GSAP: variants seen among roughly 807,000 people sequenced by gnomAD.
GSAP encodes the protein gamma-secretase activating protein.
In GSAP, 118 loss-of-function variants were observed where a neutral mutation model predicts 131.7. That is an observed-to-expected ratio of 0.90 (90% CI 0.77 to 1.04). The LOEUF is 1.04. Among genes scored for constraint, GSAP ranks in the 50% least tolerant of loss-of-function variants. The pLI, the probability that GSAP is intolerant of heterozygous loss-of-function variation, is 0.00. For missense variants in GSAP, 1,019 were observed against 1,013.2 expected, an observed-to-expected ratio of 1.01 and a Z score of -0.08; for synonymous variants, 381 against 363.4, an observed-to-expected ratio of 1.05 and a Z score of -0.55.
At chr7:77,320,974 C>T (rs765771443) in intron 25 of GSAP, among the ~76,000 whole-genome samples, 155 bp from the exon 26 acceptor site, 2 of 152,148 alleles carry the variant, frequency 1.3e-5, no homozygotes, top group Non-Finnish European at 2.9e-5. Flanking sequence ...ATGTGACCAT[C>T]GGCCTAATGC....
intron 19 of GSAP, among the ~76,000 whole-genome samples, chr7:77,337,306 G>GT (rs879864565): frequency 4.6e-5 from 5 of 109,152 alleles, no homozygotes; most frequent in African/African-American, 1.2e-4. Context: ...TGGGGTGGGG[G>GT]GGGGGTTACA....
intron 5 of GSAP, among the ~76,000 whole-genome samples, chr7:77,394,254 T>C (rs1409817398): frequency 6.6e-6 from 1 of 152,150 alleles, no homozygotes; most frequent in Admixed American, 6.6e-5. Flanking sequence ...CTCACCTCTT[T>C]TTTCCTTTGC....
intron 14 of GSAP, 32 bp from the exon 15 acceptor site, chr7:77,355,679 T>C: frequency 8.3e-7 from 1 of 1,211,078 alleles, no homozygotes; most frequent in Non-Finnish European, 1.2e-6. Context: ...ATCATCTACA[T>C]GTGGTAAAAG....
At chr7:77,402,415 T>C (rs1490471197) in intron 3 of GSAP, among the ~76,000 whole-genome samples, 2 of 139,828 alleles carry the variant, frequency 1.4e-5, no homozygotes, top group Admixed American at 1.4e-4. Flanking sequence ...AAAAAAAATA[T>C]ATATATATAC....
chr7:77,318,530 AT>A (rs1787181152), intron 26 of GSAP, among the ~76,000 whole-genome samples: 1 of 152,230 alleles, frequency 6.6e-6, no homozygotes, highest in East Asian at 1.9e-4. Context: ...TTTAACACTC[AT>A]TAGAACTTTA....
At chr7:77,407,622 CTTA>C (rs1802519302) in intron 1 of GSAP, among the ~76,000 whole-genome samples, 1 of 152,124 alleles carries the variant, frequency 6.6e-6, no homozygotes, top group East Asian at 1.9e-4. Flanking sequence ...GCATCCTTGA[CTTA>C]TTATGTTTTA....
At chr7:77,372,736 A>G (rs943318453) in intron 12 of GSAP, among the ~76,000 whole-genome samples, 16 of 152,252 alleles carry the variant, frequency 1.1e-4, no homozygotes, top group Non-Finnish European at 1.8e-4. Flanking sequence ...TAAATTGTAT[A>G]GTAACAAAAA....
At chr7:77,329,309 A>G in intron 21 of GSAP, 24 bp downstream of exon 21, 1 of 1,349,312 alleles carries the variant, frequency 7.4e-7, no homozygotes. Context: ...TCTTACAGAT[A>G]TGATAACCTC....
intron 19 of GSAP, among the ~76,000 whole-genome samples, chr7:77,344,456 T>C (rs867970522): frequency 6.6e-6 from 1 of 152,196 alleles, no homozygotes; most frequent in Non-Finnish European, 1.5e-5. Context: ...ACGCTCCTTT[T>C]TGTTAGGCTC....
intron 8 of GSAP, chr7:77,379,921 A>C: frequency 1.0e-6 from 1 of 967,242 alleles, no homozygotes. Flanking sequence ...GATAAATTCC[A>C]TTTTCTGTTT....
chr7:77,404,572 G>A lies in GSAP; in HGVS notation c.230C>T (p.Thr77Ile). The change falls in exon 3 of 31, where the codon ACC becomes ATC. Residue 77 changes from threonine (T) to isoleucine (I), a missense_variant. Thr to Ile is a moderately conservative substitution (Grantham distance 89). Transcript: ENST00000257626. ...TATGATTTTTACCTCATTTTGTCTG[G>A]TTTGACAATCATATAATCCAAAGAC... Reference protein sequence around the residue: ...NVVFGLYDCQTRQNELLYTFE... With the variant: ...NVVFGLYDCQIRQNELLYTFE... 2.6e-6 allele frequency: 4 copies of A among 1,557,554 alleles called. No homozygotes were observed. Among genetic ancestry groups the A allele is most frequent in the Non-Finnish European group, 3.5e-6 (4 of 1,130,728 alleles).
intron 8 of GSAP, chr7:77,379,899 T>C (rs1180100728): frequency 3.1e-6 from 3 of 978,210 alleles, no homozygotes; most frequent in Non-Finnish European, 3.6e-6. Flanking sequence ...TTTCAATAGC[T>C]GATACACAAT....
At chr7:77,349,819 T>A (rs1198660539) in intron 18 of GSAP, among the ~76,000 whole-genome samples, 1 of 152,210 alleles carries the variant, frequency 6.6e-6, no homozygotes, top group Non-Finnish European at 1.5e-5. Context: ...AGTTGGCCCC[T>A]ACCTCACTAG....
chr7:77,377,258 A>AAAAAAAAAAT, intron 9 of GSAP, 28 bp downstream of exon 9: 1 of 1,400,736 alleles, frequency 7.1e-7, no homozygotes, highest in Non-Finnish European at 9.4e-7. Context: ...AAAAAAAAAA[A>AAAAAAAAAAT]GGAGTGCCCG....
At chr7:77,363,744 A>G (rs146919103) in intron 12 of GSAP, among the ~76,000 whole-genome samples, 2 of 152,346 alleles carry the variant, frequency 1.3e-5, no homozygotes, top group East Asian at 3.9e-4. Context: ...TATCTTAAAC[A>G]CAAAATAGCA....
At chr7:77,398,968 G>A (rs1374137557) in intron 3 of GSAP, among the ~76,000 whole-genome samples, 1 of 152,160 alleles carries the variant, frequency 6.6e-6, no homozygotes, top group African/African-American at 2.4e-5. Context: ...GTTTTGGAGA[G>A]ACTTCTGTAC....
chr7:77,387,866 C>T (rs1403304596), intron 5 of GSAP, among the ~76,000 whole-genome samples: 1 of 152,210 alleles, frequency 6.6e-6, no homozygotes, highest in Non-Finnish European at 1.5e-5. Flanking sequence ...AGAAAAGCAT[C>T]ACATTTAAAA....
intron 22 of GSAP, chr7:77,326,955 T>C (rs1788402231): frequency 6.6e-6 from 1 of 152,204 alleles, no homozygotes; most frequent in African/African-American, 2.4e-5. Context: ...TGAGATCCAG[T>C]GCCAGGCAAG....
intron 5 of GSAP, among the ~76,000 whole-genome samples, chr7:77,391,767 C>T (rs1361174903): frequency 1.3e-5 from 2 of 152,046 alleles, no homozygotes; most frequent in Non-Finnish European, 1.5e-5. Flanking sequence ...CCAGGGAGGT[C>T]GAGGCTATAG....
Sources: allele counts gnomAD v4.1 joint callset (sites outside exome capture counted in the v4.1 genomes callset), GRCh38; gene constraint gnomAD v4.1.1; transcripts MANE v1.5; gene names NCBI Gene and HGNC (gene_info 2026-07-23, HGNC 2026-07-21).